Variants in CCDC141 observed in about 807,000 individuals in gnomAD.
CCDC141 encodes the protein coiled-coil domain-containing protein 141.
In CCDC141, 168 loss-of-function variants were observed where a neutral mutation model predicts 181.0. The ratio of observed to expected loss-of-function variants is 0.93; its 90% confidence interval spans 0.82 to 1.05. The LOEUF (loss-of-function observed/expected upper bound fraction) is 1.05, where lower values mean the gene tolerates loss of function less well. CCDC141 is among the 50% of genes least tolerant of loss of function. CCDC141 has a pLI of 0.00. For missense variants in CCDC141, 1,902 were observed against 1,788.5 expected, an observed-to-expected ratio of 1.06 and a Z score of -1.14; for synonymous variants, 666 against 642.3, an observed-to-expected ratio of 1.04 and a Z score of -0.56.
rs1309879245 is a variant in CCDC141, at chr2:178,918,762, C to G, written c.1043G>C (p.Arg348Thr). ...ATTCGCCTTCTTTAACCAGGTATTCCTTTCCACCATGAGTTGACCAAATTC... is the reference window on the plus strand; with the variant it reads ...ATTCGCCTTCTTTAACCAGGTATTCGTTTCCACCATGAGTTGACCAAATTC... The part of the protein sequence containing the change: ...QEEFGQLMVE[R>T]NTWLKKANEF... The change falls in exon 7 of 24, where the codon AGG (arginine) becomes ACG (threonine). Residue 348 changes from arginine (R) to threonine (T), a missense_variant. Coordinates refer to ENST00000443758, the MANE Select transcript of CCDC141 (RefSeq NM_173648.4). The G allele has an allele frequency of 1.1e-5, 17 of 1,550,538 alleles. No individual in the cohort carries two copies. The highest frequency in any genetic ancestry group is 1.5e-5 in the Non-Finnish European group (17 of 1,146,980).
intron 4 of CCDC141, among the ~76,000 whole-genome samples, chr2:178,966,915 C>A (rs1350895603): frequency 6.6e-6 from 1 of 151,518 alleles, no homozygotes; most frequent in Non-Finnish European, 1.5e-5. Flanking sequence ...TAAATGACCT[C>A]ATGGAGCTGA....
At chr2:178,977,447 T>C (rs1691169545) in intron 3 of CCDC141, among the ~76,000 whole-genome samples, 1 of 152,184 alleles carries the variant, frequency 6.6e-6, no homozygotes, top group South Asian at 2.1e-4. Flanking sequence ...TTTCAGCTGT[T>C]TCATTTCTTT....
At position 179,047,277 on chromosome 2, in the gene CCDC141, A is replaced by G; in HGVS notation, c.225+7T>C. The G allele has an allele frequency of 1.3e-6, 2 of 1,521,336 alleles. No individual in the cohort carries two copies. Among genetic ancestry groups the G allele is most frequent in the Non-Finnish European group, 1.8e-6 (2 of 1,139,290 alleles). The allele number at this position is 1,521,336 out of a possible 1,614,324, so 94.2% of individuals were successfully genotyped here. ...TTTTGTTTCTGCTTCACATCTTAGT[A>G]TCTTACCTTGAGCTTGGCCAAAAGA... On this transcript the variant is annotated splice_region_variant and intron_variant, in intron 2 of 23. Transcript: ENST00000443758.
intron 2 of CCDC141, among the ~76,000 whole-genome samples, chr2:179,026,048 TAA>T (rs2042834674): frequency 6.6e-6 from 1 of 152,166 alleles, no homozygotes; most frequent in African/African-American, 2.4e-5. Flanking sequence ...AAGCAGACCA[TAA>T]AAGTTTGGAA....
At position 178,853,503 on chromosome 2, in the gene CCDC141, G is replaced by A; in HGVS notation, c.3182C>T (p.Pro1061Leu). The A allele has an allele frequency of 1.2e-6, 2 of 1,614,082 alleles. No homozygotes were observed. The highest frequency in any genetic ancestry group is 1.1e-5 in the South Asian group (1 of 91,074). The change falls in exon 20 of 24, where the codon CCC (proline) becomes CTC (leucine). Residue 1061 changes from proline (P) to leucine (L), a missense_variant. Transcript: ENST00000443758. Reference sequence around the variant, plus strand: ...CCTTTCTTCTTGCTGCGGCACTGAGGGTGCAATAAACTTATTAAACTGCTG... The same window carrying A: ...CCTTTCTTCTTGCTGCGGCACTGAGAGTGCAATAAACTTATTAAACTGCTG... ...LHQQFNKFIA[P>L]SVPQQEERIQ... is the part of the protein sequence containing the mutation.
chr2:178,969,980 AACAG>A (rs1340389857), intron 4 of CCDC141, among the ~76,000 whole-genome samples: 8 of 152,044 alleles, frequency 5.3e-5, no homozygotes, highest in South Asian at 2.1e-4. Context: ...ATACACCAGT[AACAG>A]ACAGAGAGCC....
intron 19 of CCDC141, among the ~76,000 whole-genome samples, 156 bp from the exon 20 acceptor site, chr2:178,853,780 A>G (rs950722482): frequency 3.3e-5 from 5 of 152,228 alleles, no homozygotes; most frequent in African/African-American, 1.2e-4. Context: ...TTAAAACATG[A>G]TCGTATTCTA....
chr2:179,001,307 A>C (rs1256977350), intron 2 of CCDC141, among the ~76,000 whole-genome samples: 1 of 152,222 alleles, frequency 6.6e-6, no homozygotes, highest in Non-Finnish European at 1.5e-5. Flanking sequence ...ACAATTTGAG[A>C]AACAGCTTAA....
intron 2 of CCDC141, among the ~76,000 whole-genome samples, chr2:178,995,633 T>C (rs759515958): frequency 3.3e-5 from 5 of 152,202 alleles, no homozygotes; most frequent in Non-Finnish European, 7.3e-5. Context: ...AGACTGATAA[T>C]TTCAGAGCTA....
At chr2:179,008,868 G>C (rs1237352677) in intron 2 of CCDC141, among the ~76,000 whole-genome samples, 3 of 152,088 alleles carry the variant, frequency 2.0e-5, no homozygotes, top group Non-Finnish European at 1.5e-5. Context: ...AGCACAATCA[G>C]GTCACTCCTC....
chr2:178,834,841 A>G (rs1684411180), intron 23 of CCDC141, among the ~76,000 whole-genome samples: 1 of 151,512 alleles, frequency 6.6e-6, no homozygotes, highest in Non-Finnish European at 1.5e-5. Context: ...CAGCCTCCTG[A>G]GTAGCTGGTA....
chr2:178,866,731 T>C (rs1344116857), intron 16 of CCDC141, among the ~76,000 whole-genome samples: 2 of 152,210 alleles, frequency 1.3e-5, no homozygotes, highest in African/African-American at 4.8e-5. Context: ...TGTTTTGTTT[T>C]GTTTTTTTGA....
At chr2:178,902,983 G>A (rs1286959512) in intron 8 of CCDC141, among the ~76,000 whole-genome samples, 2 of 149,132 alleles carry the variant, frequency 1.3e-5, no homozygotes, top group African/African-American at 2.4e-5. Flanking sequence ...AGACATTTAT[G>A]CAGCCAAAAA....
chr2:178,919,327 T>C (rs561604980), intron 6 of CCDC141, among the ~76,000 whole-genome samples: 131 of 152,326 alleles, frequency 8.6e-4, no homozygotes, highest in African/African-American at 3.0e-3. Flanking sequence ...GCTGAGTATA[T>C]CAAAAATCTG....
chr2:178,922,968 A>G (rs1181632336), intron 6 of CCDC141, among the ~76,000 whole-genome samples: 1 of 152,198 alleles, frequency 6.6e-6, no homozygotes, highest in Non-Finnish European at 1.5e-5. Flanking sequence ...TTTCTGTTCA[A>G]TCTTCTCAGA....
chr2:179,015,067 G>GAGATAT (rs1452838868), intron 2 of CCDC141, among the ~76,000 whole-genome samples: 4 of 39,602 alleles, frequency 1.0e-4, no homozygotes, highest in East Asian at 1.4e-3. Context: ...GAGAGACAGA[G>GAGATAT]ATATATATAT....
rs111354516 is a variant in CCDC141 at position 178,845,495 on chromosome 2, A to G, written c.3474+131T>C. The G allele has an allele frequency of 4.5e-5, 28 of 622,012 alleles. 2 individuals are homozygous for G. The highest frequency in any genetic ancestry group is 2.9e-4 in the African/African-American group (16 of 54,668). The allele number at this position is 622,012 out of a possible 1,614,324, so 38.5% of individuals were successfully genotyped here. On this transcript the variant is annotated intron_variant, in intron 22 of 23. Transcript: ENST00000443758. ...GGAAGCAAGGGAGGAGGAAACTCAC[A>G]TTGCATTTACACTGGGAAATTCTAT...
In CCDC141 at chr2:179,010,382, C is replaced by A. The variant is rs369969180; in HGVS notation, c.226-31707G>T. ...CCAAAGTTAAGACAAAGGAAAGAAT[C>A]TTAAGAGCTGTGAGACAAAATTGCC... On this transcript the variant is annotated intron_variant, in intron 2 of 23. Coordinates refer to ENST00000443758, the MANE Select transcript of CCDC141 (RefSeq NM_173648.4). Among the ~76,000 whole-genome samples the A allele has an allele frequency of 2.9e-4, 44 of 152,240 alleles. 1 individual carries two copies. The South Asian group carries it at 8.5e-3, about 29-fold the overall frequency.
chr2:178,956,134 C>A (rs1690152373), intron 5 of CCDC141, among the ~76,000 whole-genome samples: 1 of 152,108 alleles, frequency 6.6e-6, no homozygotes, highest in African/African-American at 2.4e-5. Context: ...GTGGTGAAGC[C>A]AGGATTTGAA....
Sources: allele counts gnomAD v4.1 joint callset (sites outside exome capture counted in the v4.1 genomes callset), GRCh38; gene constraint gnomAD v4.1.1; transcripts MANE v1.5; gene names NCBI Gene and HGNC (gene_info 2026-07-23, HGNC 2026-07-21).